The following KIF16B variants were observed in gnomAD, a reference collection of about 807,000 sequenced individuals.
The protein encoded by KIF16B is kinesin family member 16B.
Under a neutral mutation model 156.3 loss-of-function variants are expected in KIF16B, and 98 were observed. The ratio of observed to expected loss-of-function variants is 0.63; its 90% CI spans 0.53 to 0.74. KIF16B has a LOEUF of 0.74. Among genes scored for constraint, KIF16B ranks in the 30% least tolerant of loss-of-function variants. KIF16B has a pLI of 0.00. For missense variants in KIF16B, 1,421 were observed against 1,606.5 expected, an observed-to-expected ratio of 0.88 and a Z score of 1.97; for synonymous variants, 564 against 583.7, an observed-to-expected ratio of 0.97 and a Z score of 0.49.
intron 12 of KIF16B, among the ~76,000 whole-genome samples, chr20:16,479,342 A>G (rs904931091): frequency 6.6e-6 from 1 of 152,004 alleles, no homozygotes; most frequent in Non-Finnish European, 1.5e-5. Context: ...GGAACAACAC[A>G]CGCTGGGGAC....
intron 25 of KIF16B, among the ~76,000 whole-genome samples, chr20:16,273,690 T>C (rs1197750612): frequency 2.6e-5 from 4 of 151,426 alleles, no homozygotes; most frequent in African/African-American, 9.7e-5. Flanking sequence ...AATCAATCAA[T>C]CAATCAATCA....
intron 24 of KIF16B, among the ~76,000 whole-genome samples, chr20:16,316,409 C>A (rs2063698232): frequency 6.6e-6 from 1 of 152,098 alleles, no homozygotes; most frequent in African/African-American, 2.4e-5. Flanking sequence ...GATAGCAGGG[C>A]AGGTGGCACA....
At chr20:16,474,424 G>A (rs1331434032) in intron 12 of KIF16B, among the ~76,000 whole-genome samples, 2 of 152,196 alleles carry the variant, frequency 1.3e-5, no homozygotes, top group Non-Finnish European at 2.9e-5. Flanking sequence ...CATAGCAAGC[G>A]CTTATGCTCA....
At chr20:16,361,667 C>T (rs2064555004) in intron 22 of KIF16B, among the ~76,000 whole-genome samples, 1 of 152,146 alleles carries the variant, frequency 6.6e-6, no homozygotes, top group South Asian at 2.1e-4. Context: ...GAAACAAATA[C>T]AAGTTTTGAT....
At chr20:16,505,479 A>G (rs55892570) in intron 9 of KIF16B, among the ~76,000 whole-genome samples, 13,543 of 152,298 alleles carry the variant, frequency 0.089, 702 homozygotes, top group African/African-American at 0.15. Context: ...AGAAAAGCTG[A>G]AAAGTCTTCG....
At chr20:16,370,863 G>C (rs989147915) in intron 21 of KIF16B, among the ~76,000 whole-genome samples, 1 of 151,920 alleles carries the variant, frequency 6.6e-6, no homozygotes, top group Admixed American at 6.5e-5. Flanking sequence ...AAAATTCTAA[G>C]AATAATATTA....
At chr20:16,425,027 C>G (rs1427743680) in intron 15 of KIF16B, among the ~76,000 whole-genome samples, 1 of 152,122 alleles carries the variant, frequency 6.6e-6, no homozygotes, top group Non-Finnish European at 1.5e-5. Context: ...AGGTTGTACA[C>G]AAACACACAC....
intron 17 of KIF16B, among the ~76,000 whole-genome samples, chr20:16,396,648 C>CTTTTT (rs11476845): frequency 1.0e-4 from 13 of 124,664 alleles, no homozygotes; most frequent in East Asian, 2.3e-4. Context: ...ACTGTAGTCG[C>CTTTTT]TTTTTTTTTT....
At chr20:16,562,931 G>A (rs985081976) in intron 1 of KIF16B, among the ~76,000 whole-genome samples, 4 of 152,158 alleles carry the variant, frequency 2.6e-5, no homozygotes, top group Middle Eastern at 3.2e-3. Context: ...ATAGTACAGC[G>A]CAGGATTTAG....
chr20:16,440,531 GCGCACACACA>G (rs1307957155), intron 12 of KIF16B, among the ~76,000 whole-genome samples: 1,156 of 79,488 alleles, frequency 0.015, 23 homozygotes, highest in African/African-American at 0.05. Flanking sequence ...ACACAAGCGC[GCGCACACACA>G]CACACACACA....
intron 23 of KIF16B, among the ~76,000 whole-genome samples, chr20:16,344,144 T>C (rs1253835634): frequency 6.6e-6 from 1 of 152,224 alleles, no homozygotes; most frequent in Non-Finnish European, 1.5e-5. Flanking sequence ...ACTATGAGTG[T>C]GTCTGAGAAA....
At chr20:16,357,402 G>C (rs1321468217) in intron 22 of KIF16B, among the ~76,000 whole-genome samples, 1 of 152,066 alleles carries the variant, frequency 6.6e-6, no homozygotes, top group African/African-American at 2.4e-5. Flanking sequence ...GGAGGTATGG[G>C]GTAGAGTCAA....
intron 1 of KIF16B, among the ~76,000 whole-genome samples, chr20:16,536,050 A>C (rs533572082): frequency 1.3e-5 from 2 of 152,346 alleles, no homozygotes; most frequent in East Asian, 3.8e-4. Context: ...ATGTTTATTG[A>C]AGCACTATTC....
At chr20:16,334,469 C>G (rs1805354069) in intron 24 of KIF16B, among the ~76,000 whole-genome samples, 1 of 152,120 alleles carries the variant, frequency 6.6e-6, no homozygotes, top group Admixed American at 6.5e-5. Context: ...GAACAAATTC[C>G]CACTTGAAGT....
chr20:16,400,186 T>C (rs886328853), intron 17 of KIF16B, among the ~76,000 whole-genome samples: 6 of 152,232 alleles, frequency 3.9e-5, no homozygotes, highest in Admixed American at 2.6e-4. Context: ...TCATCATTTA[T>C]TTGCTATACT....
At chr20:16,439,204 C>T (rs771694204) in intron 12 of KIF16B, among the ~76,000 whole-genome samples, 4 of 152,126 alleles carry the variant, frequency 2.6e-5, no homozygotes, top group Admixed American at 6.5e-5. Flanking sequence ...CACAACTTTC[C>T]ATCTCCACTG....
At chr20:16,321,005 A>C (rs2063764412) in intron 24 of KIF16B, among the ~76,000 whole-genome samples, 1 of 152,132 alleles carries the variant, frequency 6.6e-6, no homozygotes, top group African/African-American at 2.4e-5. Context: ...TGTTCAAGTA[A>C]AATTAAATGT....
chr20:16,330,925 T>A (rs2063936929), intron 24 of KIF16B, among the ~76,000 whole-genome samples: 1 of 152,232 alleles, frequency 6.6e-6, no homozygotes, highest in South Asian at 2.1e-4. Context: ...CTCAACTCTG[T>A]ACGTTAGCTA....
chr20:16,523,221 A>G (rs4420760), intron 3 of KIF16B, among the ~76,000 whole-genome samples: 18,492 of 152,206 alleles, frequency 0.12, 1,438 homozygotes, highest in African/African-American at 0.22. Context: ...TGGGTATTCG[A>G]ATAAGAAGAG....
Sources: allele counts gnomAD v4.1 joint callset (sites outside exome capture counted in the v4.1 genomes callset), GRCh38; gene constraint gnomAD v4.1.1; transcripts MANE v1.5; gene names NCBI Gene and HGNC (gene_info 2026-07-23, HGNC 2026-07-21).